RAPGEF2: variants seen among roughly 807,000 people sequenced by gnomAD.
RAPGEF2 encodes the protein Rap guanine nucleotide exchange factor 2.
RAPGEF2 carries 54 observed loss-of-function variants against 186.7 expected under a neutral mutation model. That is an observed-to-expected ratio of 0.29 (90% CI 0.23 to 0.36). RAPGEF2 has a LOEUF of 0.36. Among genes scored for constraint, RAPGEF2 ranks in the 10% least tolerant of loss-of-function variants. The pLI is 1.00. For synonymous variants in RAPGEF2, 712 were observed against 705.9 expected, an observed-to-expected ratio of 1.01 and a Z score of -0.14; for missense variants, 1,532 against 2,045.0, an observed-to-expected ratio of 0.75 and a Z score of 4.84.
intron 6 of RAPGEF2, among the ~76,000 whole-genome samples, 177 bp downstream of exon 6, chr4:159,241,545 TATATA>T (rs1424373086): frequency 2.0e-5 from 3 of 148,492 alleles, no homozygotes; most frequent in Admixed American, 6.7e-5. Context: ...TAAAAATAAA[TATATA>T]ATATGTATAT....
intron 7 of RAPGEF2, among the ~76,000 whole-genome samples, chr4:159,300,142 C>G (rs1452546474): frequency 6.6e-6 from 1 of 150,832 alleles, no homozygotes; most frequent in African/African-American, 2.4e-5. Context: ...ACTTTATATA[C>G]TTTAATACTA....
chr4:159,135,692 C>T (rs1298468657), intron 1 of RAPGEF2, among the ~76,000 whole-genome samples: 1 of 152,028 alleles, frequency 6.6e-6, no homozygotes, highest in Non-Finnish European at 1.5e-5. Flanking sequence ...CTCTGCCTCC[C>T]GGGTTCAAGC....
At chr4:159,106,498 GTCT>G (rs1290157638) in intron 1 of RAPGEF2, among the ~76,000 whole-genome samples, 7 of 152,100 alleles carry the variant, frequency 4.6e-5, no homozygotes, top group African/African-American at 1.7e-4. Context: ...ATACAGCCTT[GTCT>G]TATAAATGTT....
At chr4:159,270,821 A>G (rs1306827901) in intron 7 of RAPGEF2, among the ~76,000 whole-genome samples, 1 of 152,200 alleles carries the variant, frequency 6.6e-6, no homozygotes, top group Non-Finnish European at 1.5e-5. Flanking sequence ...GATTGATAAT[A>G]CTAAGATGAA....
chr4:159,145,074 T>G (rs1742795082), intron 1 of RAPGEF2, among the ~76,000 whole-genome samples: 1 of 151,850 alleles, frequency 6.6e-6, no homozygotes, highest in Non-Finnish European at 1.5e-5. Context: ...ATAGACAGGA[T>G]TTCACCATGT....
chr4:159,255,087 G>A (rs771225171), intron 7 of RAPGEF2, among the ~76,000 whole-genome samples: 17 of 152,192 alleles, frequency 1.1e-4, no homozygotes, highest in Admixed American at 2.0e-4. Context: ...ACAGTGACAT[G>A]CTGTACAGAT....
In RAPGEF2 at chr4:159,257,088, C is replaced by T. The variant is rs187824149; in HGVS notation, c.543+13297C>T. Among the ~76,000 whole-genome samples the T allele has an allele frequency of 5.1e-3, 779 of 151,828 alleles. 8 individuals carry two copies. Among genetic ancestry groups the T allele is most frequent in the Non-Finnish European group, 6.4e-3 (434 of 67,910 alleles). On this transcript the variant is annotated intron_variant, in intron 7 of 29. Transcript: ENST00000691494. ...ATTTTTGATTTTGTTGCAATGCTTT[C>T]GGTGTTTTTGTTTTGTTTTGTTTTG...
At chr4:159,175,132 A>C (rs1746326755) in intron 1 of RAPGEF2, among the ~76,000 whole-genome samples, 1 of 152,192 alleles carries the variant, frequency 6.6e-6, no homozygotes. Context: ...AGCAATGACC[A>C]GTAATGTCAT....
At chr4:159,299,444 AG>A (rs1364888749) in intron 7 of RAPGEF2, among the ~76,000 whole-genome samples, 5 of 151,148 alleles carry the variant, frequency 3.3e-5, no homozygotes, top group South Asian at 2.1e-4. Flanking sequence ...AAAAAAAAAA[AG>A]ACAGAGAGAA....
chr4:159,238,904 G>A lies in RAPGEF2; in HGVS notation c.357+20G>A. The stretch of plus-strand genomic sequence containing the variant: ...ATTGTGGTAAGAGTATTTCTGTGAG[G>A]ACTATTTTTCCCCTAAAAAATTGTA... On this transcript the variant is annotated intron_variant, in intron 5 of 29. Transcript: ENST00000691494. 7.0e-7 allele frequency: 1 copy of A among 1,435,888 alleles called. No homozygotes were observed. The highest frequency in any genetic ancestry group is 9.1e-7 in the Non-Finnish European group (1 of 1,100,238). 88.9% of individuals were successfully genotyped at this position (1,435,888 alleles called of 1,614,324 possible).
Position 159,331,906 on chromosome 4 carries a change from T to A in RAPGEF2, c.1780-20T>A. Reference sequence around the variant, plus strand: ...TTTTTTTTCAGTCAATTTTGATACATTTTATAATTTCATTTTTAGATATTA... The same window carrying A: ...TTTTTTTTCAGTCAATTTTGATACAATTTATAATTTCATTTTTAGATATTA... On this transcript the variant is annotated intron_variant, in intron 15 of 29. Coordinates refer to ENST00000691494, the MANE Select transcript of RAPGEF2 (RefSeq NM_001394067.2). The A allele has an allele frequency of 3.1e-6, 5 of 1,590,194 alleles. No individual in the cohort carries two copies. The highest frequency in any genetic ancestry group is 1.7e-4 in the Middle Eastern group (1 of 5,936).
intron 7 of RAPGEF2, among the ~76,000 whole-genome samples, chr4:159,303,721 T>A (rs1024238709): frequency 7.2e-5 from 11 of 152,098 alleles, no homozygotes; most frequent in Non-Finnish European, 1.3e-4. Flanking sequence ...GTGTTTATTT[T>A]AATAGAGACT....
chr4:159,212,982 C>T (rs1357383750), intron 4 of RAPGEF2, among the ~76,000 whole-genome samples: 1 of 152,196 alleles, frequency 6.6e-6, no homozygotes, highest in African/African-American at 2.4e-5. Context: ...GCACATTGGA[C>T]TCTACGTCTA....
chr4:159,264,925 A>G (rs566239516), intron 7 of RAPGEF2, among the ~76,000 whole-genome samples: 8 of 152,360 alleles, frequency 5.3e-5, no homozygotes, highest in African/African-American at 1.9e-4. Flanking sequence ...AGCATGTAAT[A>G]GAAATTCATT....
chr4:159,348,926 A>G lies in RAPGEF2; in HGVS notation c.3713-1211A>G, dbSNP rs77000775. On this transcript the variant is annotated intron_variant, in intron 25 of 29. Transcript: ENST00000691494. ...TGTTCCCCCCACTCCAGTCCATAAA[A>G]TAGTTTTGTTCTATATACTTTCTAC... Among the ~76,000 whole-genome samples, 1,510 of 152,312 alleles carry G rather than the reference A, an allele frequency of 9.9e-3. 26 individuals carry two copies. Among genetic ancestry groups the G allele is most frequent in the African/African-American group, 0.035 (1,437 of 41,562 alleles).
At chr4:159,228,330 T>G (rs1328707168) in intron 4 of RAPGEF2, 1 of 152,186 alleles carries the variant, frequency 6.6e-6, no homozygotes, top group Non-Finnish European at 1.5e-5. Flanking sequence ...GTGTTAGTGG[T>G]TCTTCAAAGA....
rs1731404468 is a variant in RAPGEF2, at chr4:159,352,907, TG to T, written c.4091+1del. ...RTMIEPDQYS[L>X]GSYAPMSEGR... ...ATGATTGAACCTGATCAGTATAGCT[TG>T]GGGTAGGTGGCTCTTTTTAATATTC... On this transcript the variant is annotated frameshift_variant and splice_region_variant, in exon 27 of 30. Transcript: ENST00000691494. LOFTEE classifies it high-confidence loss of function. 6.2e-7 allele frequency: 1 copy of T among 1,609,574 alleles called. No individual in the cohort carries two copies. The highest frequency in any genetic ancestry group is 1.3e-5 in the African/African-American group (1 of 74,806).
chr4:159,341,937 G>A lies in RAPGEF2; in HGVS notation c.2908G>A (p.Ala970Thr). ...RECKNFNSMFAIISGLNLAPV... is the reference protein window; with the variant it reads ...RECKNFNSMFTIISGLNLAPV... Reference sequence around the variant, plus strand: ...ATGCAAGAATTTTAACTCAATGTTTGCAATCATCAGGTAAGAGAGCACATT... The same window carrying A: ...ATGCAAGAATTTTAACTCAATGTTTACAATCATCAGGTAAGAGAGCACATT... Residue 970 changes from alanine (A) to threonine (T), a missense_variant, in exon 20 of 30, where the codon GCA becomes ACA. Around this residue, in one of 4 missense-constraint regions of RAPGEF2, gnomAD observed 810 missense variants for 1,210.5 expected, o/e 0.67. Transcript: ENST00000691494. 1 of 1,590,978 alleles carries A rather than the reference G, an allele frequency of 6.3e-7. No individual in the cohort carries two copies. Among genetic ancestry groups the A allele is most frequent in the African/African-American group, 1.4e-5 (1 of 73,970 alleles).
At chr4:159,239,013 T>C (rs1384523058) in intron 5 of RAPGEF2, 129 bp downstream of exon 5, 5 of 474,740 alleles carry the variant, frequency 1.1e-5, no homozygotes, top group African/African-American at 4.0e-5. Flanking sequence ...ATAACAGATA[T>C]ATTTATTTCA....
Sources: allele counts gnomAD v4.1 joint callset (sites outside exome capture counted in the v4.1 genomes callset), GRCh38; gene constraint gnomAD v4.1.1; regional missense constraint gnomAD v4.1.1; transcripts MANE v1.5; gene names NCBI Gene and HGNC (gene_info 2026-07-23, HGNC 2026-07-21).